PIK3R4: variants seen among roughly 807,000 people sequenced by gnomAD.
PIK3R4 encodes phosphoinositide-3-kinase regulatory subunit 4.
In PIK3R4, 46 loss-of-function variants were observed where a neutral mutation model predicts 136.5. That is an observed-to-expected ratio of 0.34 (90% confidence interval 0.27 to 0.43). The LOEUF (loss-of-function observed/expected upper bound fraction) is 0.43. Among genes scored for constraint, PIK3R4 ranks in the 20% least tolerant of loss-of-function variants. PIK3R4 has a pLI of 1.00. For synonymous variants in PIK3R4, 557 were observed against 566.7 expected, an observed-to-expected ratio of 0.98 and a Z score of 0.24; for missense variants, 1,331 against 1,649.5, an observed-to-expected ratio of 0.81 and a Z score of 3.35.
chr3:130,701,243 G>A (rs1404541248), intron 13 of PIK3R4, among the ~76,000 whole-genome samples: 2 of 152,122 alleles, frequency 1.3e-5, no homozygotes, highest in African/African-American at 4.8e-5. Context: ...TGGGTGCGGT[G>A]GCTCACACCC....
intron 14 of PIK3R4, among the ~76,000 whole-genome samples, chr3:130,689,966 T>G (rs7650015): frequency 0.036 from 5,525 of 152,232 alleles, 353 homozygotes; most frequent in African/African-American, 0.13. Flanking sequence ...AAATAAACAT[T>G]CTTAAATAAA....
chr3:130,686,735 TTA>T (rs1559819726), intron 14 of PIK3R4, among the ~76,000 whole-genome samples: 1 of 152,220 alleles, frequency 6.6e-6, no homozygotes, highest in Non-Finnish European at 1.5e-5. Flanking sequence ...TGTTCTGATT[TTA>T]TCAGTTTTCC....
At chr3:130,710,491 G>A (rs775677373) in intron 9 of PIK3R4, among the ~76,000 whole-genome samples, 4 of 151,950 alleles carry the variant, frequency 2.6e-5, no homozygotes, top group Non-Finnish European at 5.9e-5. Flanking sequence ...GTATAATGTC[G>A]AGAGTTTTCC....
chr3:130,679,947 GCA>G (rs2066446308), intron 19 of PIK3R4, among the ~76,000 whole-genome samples: 4 of 151,316 alleles, frequency 2.6e-5, no homozygotes, highest in East Asian at 3.9e-4. Flanking sequence ...GTGGTGGCGT[GCA>G]CCTGTAGTCC....
At chr3:130,687,057 T>C in intron 14 of PIK3R4, among the ~76,000 whole-genome samples, 1 of 135,952 alleles carries the variant, frequency 7.4e-6, no homozygotes, top group East Asian at 2.1e-4. Flanking sequence ...CAACCACAAC[T>C]GTTTCAGATT....
intron 13 of PIK3R4, among the ~76,000 whole-genome samples, chr3:130,696,264 TATTTC>T (rs2066546138): frequency 6.6e-6 from 1 of 151,996 alleles, no homozygotes; most frequent in Admixed American, 6.6e-5. Context: ...TTCTATTCTC[TATTTC>T]ATTTATTTCC....
At chr3:130,746,083 A>G (rs1258634745) in intron 1 of PIK3R4, among the ~76,000 whole-genome samples, 1 of 152,094 alleles carries the variant, frequency 6.6e-6, no homozygotes, top group Non-Finnish European at 1.5e-5. Flanking sequence ...AAGATCTAAA[A>G]ATTCAGTTAA....
intron 8 of PIK3R4, among the ~76,000 whole-genome samples, chr3:130,716,863 AAAAG>A (rs1312076512): frequency 6.6e-6 from 1 of 152,170 alleles, no homozygotes; most frequent in African/African-American, 2.4e-5. Context: ...TTAGAAAACA[AAAAG>A]AGCCTTTTCT....
intron 4 of PIK3R4, among the ~76,000 whole-genome samples, chr3:130,732,032 C>T (rs1026054241): frequency 1.3e-5 from 2 of 152,118 alleles, no homozygotes; most frequent in East Asian, 1.9e-4. Context: ...TGGGTTATCA[C>T]GGACTCTCAC....
At chr3:130,703,943 C>T (rs2066593388) in intron 12 of PIK3R4, 55 bp from the exon 13 acceptor site, 2 of 1,135,376 alleles carry the variant, frequency 1.8e-6, no homozygotes, top group East Asian at 2.4e-5. Flanking sequence ...TACAATGTCC[C>T]CATCATCCCC....
rs772673093 is a variant in PIK3R4 at position 130,718,382 on chromosome 3, T to C, written c.2127+7A>G. ...GAAAGACTGACTCCAACTTGGAACATGTATACCTGTATTATTGGTTGGGTA... is the reference window on the plus strand; with the variant it reads ...GAAAGACTGACTCCAACTTGGAACACGTATACCTGTATTATTGGTTGGGTA... On this transcript the variant is annotated splice_region_variant and intron_variant, in intron 8 of 19. Transcript: ENST00000356763. 1.1e-5 allele frequency: 17 copies of C among 1,612,424 alleles called. No homozygotes were observed. The highest frequency in any genetic ancestry group is 1.6e-4 in the Middle Eastern group (1 of 6,078).
intron 16 of PIK3R4, among the ~76,000 whole-genome samples, chr3:130,683,301 A>C (rs1280745268): frequency 6.6e-6 from 1 of 152,170 alleles, no homozygotes; most frequent in Non-Finnish European, 1.5e-5. Context: ...TATGAGTCTG[A>C]ATAAATTTAG....
rs75791598 is a variant in PIK3R4 at position 130,705,546 on chromosome 3, C to A, written c.2932+15G>T. The A allele has an allele frequency of 0.21, 320,763 of 1,553,632 alleles. 36,302 individuals carry two copies. The highest frequency in any genetic ancestry group is 0.38 in the Admixed American group (22,804 of 59,762). ...CCTAGACTAGACTACAACTACTTAT[C>A]AACGGAACTTTTACCAGGTGGTGGT... On this transcript the variant is annotated intron_variant, in intron 12 of 19. Transcript: ENST00000356763.
At chr3:130,693,199 T>C (rs2066527899) in intron 13 of PIK3R4, among the ~76,000 whole-genome samples, 2 of 152,206 alleles carry the variant, frequency 1.3e-5, no homozygotes, top group South Asian at 2.1e-4. Flanking sequence ...TTCAACTGTA[T>C]AGATATACCA....
chr3:130,745,570 A>C (rs2066847844), intron 1 of PIK3R4, among the ~76,000 whole-genome samples: 1 of 152,202 alleles, frequency 6.6e-6, no homozygotes, highest in African/African-American at 2.4e-5. Context: ...CAAAAATGTT[A>C]GTTTGTGTTA....
intron 6 of PIK3R4, 148 bp from the exon 7 acceptor site, chr3:130,723,735 T>A: frequency 1.7e-6 from 1 of 579,354 alleles, no homozygotes; most frequent in Non-Finnish European, 2.8e-6. Context: ...ATGATAAAGT[T>A]AAAAAGACCC....
At chr3:130,721,582 T>C (rs934859201) in intron 7 of PIK3R4, among the ~76,000 whole-genome samples, 4 of 152,154 alleles carry the variant, frequency 2.6e-5, no homozygotes, top group African/African-American at 9.7e-5. Flanking sequence ...TATCCTGTTA[T>C]TTGCAACAAC....
At chr3:130,745,673 A>G (rs2066848358) in intron 1 of PIK3R4, among the ~76,000 whole-genome samples, 1 of 152,224 alleles carries the variant, frequency 6.6e-6, no homozygotes, top group Non-Finnish European at 1.5e-5. Context: ...TTACCATATG[A>G]CATAGTTCTT....
rs770228153 is a variant in PIK3R4, at chr3:130,707,147, T to C, written c.2534-12A>G. 4 of 1,582,994 alleles carry C rather than the reference T, an allele frequency of 2.5e-6. No homozygotes were observed. Among genetic ancestry groups the C allele is most frequent in the Non-Finnish European group, 2.6e-6 (3 of 1,161,420 alleles). ...TACATGTTTTCTGGCTATGAAAATA[T>C]ATTCAGAATAGTTAGTCTGAAGGTA... On this transcript the variant is annotated splice_polypyrimidine_tract_variant and intron_variant, in intron 10 of 19. Transcript: ENST00000356763.
Sources: allele counts gnomAD v4.1 joint callset (sites outside exome capture counted in the v4.1 genomes callset), GRCh38; gene constraint gnomAD v4.1.1; transcripts MANE v1.5; gene names NCBI Gene and HGNC (gene_info 2026-07-23, HGNC 2026-07-21).